EXOC6B: variants seen among roughly 807,000 people sequenced by gnomAD.
EXOC6B encodes the protein exocyst complex component 6B.
EXOC6B carries 54 observed loss-of-function variants against 113.5 expected under a neutral mutation model. The observed-to-expected ratio is 0.48, with a 90% CI of 0.38 to 0.60. The LOEUF is 0.60. Ranked by LOEUF, EXOC6B falls within the 20% of genes least tolerant of loss-of-function variation. The pLI, the probability that EXOC6B is intolerant of heterozygous loss-of-function variation, is 0.00. For synonymous variants in EXOC6B, 357 were observed against 339.0 expected, an observed-to-expected ratio of 1.05 and a Z score of -0.58; for missense variants, 797 against 977.5, an observed-to-expected ratio of 0.82 and a Z score of 2.46.
chr2:72,741,541 G>A, intron 1 of EXOC6B, 72 bp from the exon 2 acceptor site: 1 of 1,435,050 alleles, frequency 7.0e-7, no homozygotes, highest in Non-Finnish European at 9.4e-7. Context: ...TATAAATCCA[G>A]AAGCAAATTT....
At chr2:72,764,066 G>A (rs373739104) in intron 1 of EXOC6B, among the ~76,000 whole-genome samples, 18 of 152,110 alleles carry the variant, frequency 1.2e-4, no homozygotes, top group East Asian at 1.9e-4. Flanking sequence ...GCGACAGAGC[G>A]AGCACTTGTC....
At chr2:72,524,490 T>C (rs1701662617) in intron 8 of EXOC6B, among the ~76,000 whole-genome samples, 1 of 152,176 alleles carries the variant, frequency 6.6e-6, no homozygotes, top group African/African-American at 2.4e-5. Context: ...TTCTATGTAT[T>C]AGGGCTTTGA....
rs777613908 is a variant in EXOC6B at position 72,775,209 on chromosome 2, T to G, written c.114-33740A>C. On this transcript the variant is annotated intron_variant, in intron 1 of 21. Transcript: ENST00000272427. ...GATTGATCAAATCACTGGCCATTGG[T>G]GATTGGGGCTCTCTCCCCTCCCTGG... is the stretch of plus-strand genomic sequence containing the variant. Among the ~76,000 whole-genome samples the G allele has an allele frequency of 4.9e-4, 75 of 152,238 alleles. 2 individuals carry two copies. Among genetic ancestry groups the G allele is most frequent in the Admixed American group, 7.2e-4 (11 of 15,290 alleles).
At chr2:72,822,477 A>C (rs1366520958) in intron 1 of EXOC6B, among the ~76,000 whole-genome samples, 1 of 152,208 alleles carries the variant, frequency 6.6e-6, no homozygotes, top group Non-Finnish European at 1.5e-5. Flanking sequence ...TGTACAGCTC[A>C]AAACTAAAGT....
intron 7 of EXOC6B, among the ~76,000 whole-genome samples, chr2:72,563,121 G>C (rs1469317948): frequency 6.6e-6 from 1 of 152,186 alleles, no homozygotes. Flanking sequence ...CATAAACTAA[G>C]AGAACTAGGA....
intron 20 of EXOC6B, among the ~76,000 whole-genome samples, chr2:72,198,529 T>C (rs1679307343): frequency 6.6e-6 from 1 of 152,180 alleles, no homozygotes; most frequent in Non-Finnish European, 1.5e-5. Flanking sequence ...TTTTGCTAGA[T>C]GTGAATAAGA....
intron 2 of EXOC6B, among the ~76,000 whole-genome samples, chr2:72,736,293 A>T (rs1309488418): frequency 2.6e-5 from 4 of 152,170 alleles, no homozygotes; most frequent in Admixed American, 2.0e-4. Context: ...GTATACACTG[A>T]GAATCAAAAG....
At chr2:72,277,952 T>C (rs1684898938) in intron 20 of EXOC6B, among the ~76,000 whole-genome samples, 1 of 152,126 alleles carries the variant, frequency 6.6e-6, no homozygotes, top group Admixed American at 6.6e-5. Flanking sequence ...TTGCAATATA[T>C]ATGTATGAAA....
At chr2:72,513,899 A>G (rs114291889) in intron 10 of EXOC6B, among the ~76,000 whole-genome samples, 1 of 152,064 alleles carries the variant, frequency 6.6e-6, no homozygotes, top group Non-Finnish European at 1.5e-5. Context: ...TTTATGATAT[A>G]TTTTAATAAC....
chr2:72,677,018 C>T (rs1305905795), intron 6 of EXOC6B, among the ~76,000 whole-genome samples: 2 of 152,122 alleles, frequency 1.3e-5, no homozygotes, highest in East Asian at 3.8e-4. Context: ...CCAAATGAGC[C>T]AGAAAGAAGA....
chr2:72,379,965 G>A (rs1691589333), intron 18 of EXOC6B, 95 bp from the exon 19 acceptor site: 1 of 1,239,580 alleles, frequency 8.1e-7, no homozygotes, highest in African/African-American at 1.5e-5. Context: ...TTTTCAATTA[G>A]GAATTTCCCT....
rs1283645618 is a variant in EXOC6B at position 72,176,016 on chromosome 2, T to TTTAATAGCAG, written c.*3309_*3318dup. 1 of 152,194 alleles carries TTTAATAGCAG rather than the reference T, an allele frequency of 6.6e-6. No individual in the cohort carries two copies. Among genetic ancestry groups the TTTAATAGCAG allele is most frequent in the East Asian group, 1.9e-4 (1 of 5,192 alleles). The allele number at this position is 152,194 out of a possible 1,614,324, so 9.4% of individuals were successfully genotyped here. A position where few individuals can be genotyped will look rare whatever the true frequency, so the allele number is the denominator to read the frequency against. On this transcript the variant is annotated 3_prime_UTR_variant, in exon 22 of 22. Transcript: ENST00000272427. ...TGAAACAGGTATGTAGGCTTTCTTG[T>TTTAATAGCAG]TTAATAGCAGTTAAAAGAGGAAAAT...
rs1684014082 is a variant in EXOC6B at position 72,265,480 on chromosome 2, A to G, written c.2196+69467T>C. Among the ~76,000 whole-genome samples the G allele has an allele frequency of 1.4e-5, 2 of 144,102 alleles. 1 individual carries two copies. The highest frequency in any genetic ancestry group is 4.4e-4 in the South Asian group (2 of 4,576). The allele number at this position is 144,102 out of a possible 152,430, so 94.5% of individuals were successfully genotyped here. ...CCTGTGTTTTCATTGTTCAATTCCC[A>G]TCTCTGAGTGAGAACATGCAGTGTT... On this transcript the variant is annotated intron_variant, in intron 20 of 21. Transcript: ENST00000272427.
intron 18 of EXOC6B, among the ~76,000 whole-genome samples, chr2:72,402,376 G>A (rs1017438796): frequency 1.3e-5 from 2 of 152,042 alleles, no homozygotes; most frequent in Admixed American, 6.6e-5. Context: ...AATAAAATGA[G>A]GAATTGTAAC....
At chr2:72,520,507 TCAATA>T (rs1202251596) in intron 8 of EXOC6B, among the ~76,000 whole-genome samples, 2 of 152,226 alleles carry the variant, frequency 1.3e-5, no homozygotes, top group Non-Finnish European at 2.9e-5. Context: ...TCCCTTCTAT[TCAATA>T]CATTTTCTCA....
At chr2:72,721,117 T>C (rs924895547) in intron 5 of EXOC6B, among the ~76,000 whole-genome samples, 2 of 151,864 alleles carry the variant, frequency 1.3e-5, no homozygotes, top group Non-Finnish European at 2.9e-5. Flanking sequence ...TCACTTGCGG[T>C]CAGGAGTTCA....
intron 1 of EXOC6B, among the ~76,000 whole-genome samples, chr2:72,762,701 A>T (rs1419733270): frequency 6.6e-6 from 1 of 152,084 alleles, no homozygotes; most frequent in African/African-American, 2.4e-5. Context: ...CAAAATCTGG[A>T]TCTTCACAAA....
At chr2:72,406,791 G>T (rs1693802789) in intron 18 of EXOC6B, among the ~76,000 whole-genome samples, 1 of 152,094 alleles carries the variant, frequency 6.6e-6, no homozygotes, top group African/African-American at 2.4e-5. Flanking sequence ...ACAATTAAAA[G>T]AACTAGAGAA....
chr2:72,413,544 G>A (rs1266921183), intron 18 of EXOC6B, among the ~76,000 whole-genome samples: 1 of 151,518 alleles, frequency 6.6e-6, no homozygotes, highest in African/African-American at 2.4e-5. Flanking sequence ...TTAGCTGGGT[G>A]TAGTGGTACG....
Sources: allele counts gnomAD v4.1 joint callset (sites outside exome capture counted in the v4.1 genomes callset), GRCh38; gene constraint gnomAD v4.1.1; transcripts MANE v1.5; gene names NCBI Gene and HGNC (gene_info 2026-07-23, HGNC 2026-07-21).